KIF6: variants seen among roughly 807,000 people sequenced by gnomAD.
KIF6 encodes the protein kinesin-like protein KIF6.
Under a neutral mutation model 112.7 loss-of-function variants are expected in KIF6, and 106 were observed. The ratio of observed to expected loss-of-function variants is 0.94; its 90% confidence interval spans 0.80 to 1.11. KIF6 has a LOEUF of 1.11. Ranked by LOEUF, KIF6 falls within the 50% of genes least tolerant of loss-of-function variation. The pLI is 0.00. For missense variants in KIF6, 929 were observed against 964.0 expected (o/e 0.96, Z 0.48); for synonymous variants, 339 against 339.9 (o/e 1.00, Z 0.03).
intron 3 of KIF6, among the ~76,000 whole-genome samples, chr6:39,651,276 C>T (rs1785455578): frequency 2.0e-5 from 3 of 151,982 alleles, no homozygotes; most frequent in South Asian, 2.1e-4. Context: ...AACAGAGATC[C>T]GAGAATCTAG....
At chr6:39,678,881 G>C (rs1787330999) in intron 3 of KIF6, among the ~76,000 whole-genome samples, 6 of 152,014 alleles carry the variant, frequency 3.9e-5, no homozygotes, top group Admixed American at 2.6e-4. Flanking sequence ...CTTTACCATG[G>C]AATAAAATAA....
chr6:39,673,121 C>T (rs1001589543), intron 3 of KIF6, among the ~76,000 whole-genome samples: 4 of 152,196 alleles, frequency 2.6e-5, no homozygotes, highest in Admixed American at 6.5e-5. Flanking sequence ...CTGGTGTCCG[C>T]CACCACCAGC....
intron 3 of KIF6, among the ~76,000 whole-genome samples, chr6:39,646,471 C>T (rs1195315567): frequency 2.0e-5 from 3 of 152,094 alleles, no homozygotes; most frequent in African/African-American, 7.2e-5. Context: ...CCAGGTTGGA[C>T]TTAGAGAACT....
intron 13 of KIF6, among the ~76,000 whole-genome samples, chr6:39,444,930 GA>G (rs1772209074): frequency 1.3e-5 from 2 of 152,244 alleles, no homozygotes; most frequent in South Asian, 2.1e-4. Context: ...CTGTGAACAG[GA>G]AACTAGGGAA....
intron 16 of KIF6, among the ~76,000 whole-genome samples, chr6:39,380,473 T>C (rs1311467680): frequency 6.6e-6 from 1 of 152,206 alleles, no homozygotes; most frequent in Non-Finnish European, 1.5e-5. Context: ...GAAAGAACCA[T>C]AGTCTTGACT....
chr6:39,360,437 T>C lies in KIF6; in HGVS notation c.2040A>G (p.Lys680=). 1 of 1,614,186 alleles carries C rather than the reference T, an allele frequency of 6.2e-7. No individual in the cohort carries two copies. Among genetic ancestry groups the C allele is most frequent in the Non-Finnish European group, 8.5e-7 (1 of 1,180,024 alleles). The change falls in exon 18 of 23, where the codon AAA becomes AAG. Residue 680 remains lysine (K), a synonymous_variant. Transcript: ENST00000287152. ...CCTCTGCCCACCAGACTTCAAACTC[T>C]TTCTGTAGCTTCACCTTGGCTTTGT... is the stretch of plus-strand genomic sequence containing the variant. ...LMDKAKVKLQ[K]EFEVWWAEEA... is the part of the protein sequence containing the mutation.
intron 19 of KIF6, chr6:39,354,160 C>A: frequency 6.0e-6 from 2 of 331,848 alleles, no homozygotes; most frequent in Non-Finnish European, 6.0e-6. Context: ...TGCTGCCCTG[C>A]AACGGTGACC....
intron 3 of KIF6, among the ~76,000 whole-genome samples, chr6:39,704,613 G>A (rs545126933): frequency 8.2e-4 from 124 of 151,352 alleles, no homozygotes; most frequent in African/African-American, 2.7e-3. Flanking sequence ...GAGAAACTCC[G>A]TCTTTAAAAA....
At chr6:39,695,902 C>T (rs1195809271) in intron 3 of KIF6, among the ~76,000 whole-genome samples, 7 of 152,176 alleles carry the variant, frequency 4.6e-5, no homozygotes, top group African/African-American at 1.7e-4. Flanking sequence ...AACACAGGTG[C>T]CCATCAACGG....
At chr6:39,620,638 A>G (rs1202336491) in intron 5 of KIF6, among the ~76,000 whole-genome samples, 1 of 152,220 alleles carries the variant, frequency 6.6e-6, no homozygotes, top group African/African-American at 2.4e-5. Flanking sequence ...CATCACAAGG[A>G]CAATGTGGTA....
intron 16 of KIF6, among the ~76,000 whole-genome samples, chr6:39,363,003 G>T (rs1277817396): frequency 1.3e-5 from 2 of 152,056 alleles, no homozygotes; most frequent in Non-Finnish European, 2.9e-5. Flanking sequence ...ACAAAAATTA[G>T]CTGGGCGTGG....
intron 13 of KIF6, among the ~76,000 whole-genome samples, chr6:39,511,370 T>C (rs1776770096): frequency 6.6e-6 from 1 of 152,086 alleles, no homozygotes; most frequent in South Asian, 2.1e-4. Flanking sequence ...ATCAAAGAAA[T>C]GCAAATCAAA....
intron 15 of KIF6, 21 bp from the exon 16 acceptor site, chr6:39,385,693 A>G: frequency 1.9e-6 from 3 of 1,599,064 alleles, no homozygotes; most frequent in Non-Finnish European, 2.6e-6. Flanking sequence ...CACAAAAGAA[A>G]ACTACCAGTG....
chr6:39,529,510 G>A (rs1777921986), intron 13 of KIF6, among the ~76,000 whole-genome samples: 1 of 152,154 alleles, frequency 6.6e-6, no homozygotes, highest in South Asian at 2.1e-4. Context: ...GACCTGGCCA[G>A]GCGCAGTGGC....
chr6:39,519,415 C>G (rs945337454), intron 13 of KIF6, among the ~76,000 whole-genome samples: 1 of 152,132 alleles, frequency 6.6e-6, no homozygotes, highest in Admixed American at 6.5e-5. Flanking sequence ...TACAGCAGCA[C>G]CAGAAAGACT....
At chr6:39,411,777 T>C (rs937624894) in intron 15 of KIF6, among the ~76,000 whole-genome samples, 3 of 152,342 alleles carry the variant, frequency 2.0e-5, no homozygotes, top group Non-Finnish European at 4.4e-5. Context: ...CTCTCCAAAC[T>C]CTTTACTTCT....
chr6:39,688,552 C>G (rs1194255160), intron 3 of KIF6, among the ~76,000 whole-genome samples: 1 of 151,664 alleles, frequency 6.6e-6, no homozygotes, highest in East Asian at 1.9e-4. Context: ...ATTGTTTATT[C>G]AATATATTGT....
chr6:39,634,638 C>T (rs561472756), intron 5 of KIF6, among the ~76,000 whole-genome samples: 3 of 151,998 alleles, frequency 2.0e-5, no homozygotes, highest in Non-Finnish European at 4.4e-5. Flanking sequence ...AGAGATTTTC[C>T]CAAGAAATGA....
At chr6:39,472,948 G>A (rs1041014909) in intron 13 of KIF6, among the ~76,000 whole-genome samples, 3 of 149,680 alleles carry the variant, frequency 2.0e-5, no homozygotes, top group Non-Finnish European at 2.9e-5. Flanking sequence ...GTACAATGGC[G>A]CGATCTCAGC....
Sources: gnomAD v4.1 joint callset for allele counts (sites outside exome capture counted in the v4.1 genomes callset) on GRCh38, gnomAD v4.1.1 for gene constraint, MANE v1.5 for transcripts, NCBI Gene and HGNC (gene_info 2026-07-23, HGNC 2026-07-21) for gene names.